The following PKD1L1 variants were observed in gnomAD, a reference collection of about 807,000 sequenced individuals.
PKD1L1 encodes the protein polycystin-1-like protein 1.
PKD1L1 carries 236 observed loss-of-function variants against 323.4 expected under a neutral mutation model. That is an observed-to-expected ratio of 0.73 (90% confidence interval 0.66 to 0.81). The LOEUF (loss-of-function observed/expected upper bound fraction) is 0.81. PKD1L1 is among the 40% of genes least tolerant of loss of function. PKD1L1 has a pLI of 0.00. For missense variants in PKD1L1, 3,320 were observed against 3,508.0 expected (o/e 0.95, Z 1.35); for synonymous variants, 1,344 against 1,335.0 (o/e 1.01, Z -0.15).
intron 54 of PKD1L1, among the ~76,000 whole-genome samples, chr7:47,797,278 A>G (rs1784564523): frequency 6.6e-6 from 1 of 152,138 alleles, no homozygotes; most frequent in Admixed American, 6.5e-5. Flanking sequence ...TACGCTGTAA[A>G]CCTGTGGACA....
At chr7:47,857,202 T>A (rs1409575184) in intron 28 of PKD1L1, among the ~76,000 whole-genome samples, 1 of 152,202 alleles carries the variant, frequency 6.6e-6, no homozygotes, top group Non-Finnish European at 1.5e-5. Context: ...TTAAGCGTCA[T>A]TCAGGTATAC....
rs372667662 is a variant in PKD1L1, at chr7:47,930,531, C to T, written c.737+573G>A. On this transcript the variant is annotated intron_variant, in intron 6 of 56. Transcript: ENST00000289672. Reference sequence around the variant, plus strand: ...AAAAAAAAATAAAATAAAATACACACAGTCGGCCGGGTGCAGTGGCTCATG... The same window carrying T: ...AAAAAAAAATAAAATAAAATACACATAGTCGGCCGGGTGCAGTGGCTCATG... Among the ~76,000 whole-genome samples, 205 of 125,214 alleles carry T rather than the reference C, an allele frequency of 1.6e-3. 1 individual carries two copies. Among genetic ancestry groups the T allele is most frequent in the African/African-American group, 6.2e-3 (186 of 30,016 alleles). 82.1% of individuals were successfully genotyped at this position (125,214 alleles called of 152,430 possible).
intron 7 of PKD1L1, among the ~76,000 whole-genome samples, chr7:47,922,969 C>T (rs189405473): frequency 1.2e-3 from 184 of 152,302 alleles, no homozygotes; most frequent in African/African-American, 4.4e-3. Flanking sequence ...ATAGGAGACT[C>T]CATTTTGTTC....
At chr7:47,951,611 G>A (rs930172457), upstream of PKD1L1, among the ~76,000 whole-genome samples, 1 of 152,176 alleles carries the variant, frequency 6.6e-6, no homozygotes, top group African/African-American at 2.4e-5. Flanking sequence ...AAAAGGCACA[G>A]AGCTGCAGTT....
At chr7:47,941,072 T>C (rs937257181) in intron 2 of PKD1L1, among the ~76,000 whole-genome samples, 1 of 152,236 alleles carries the variant, frequency 6.6e-6, no homozygotes, top group Non-Finnish European at 1.5e-5. Context: ...AGAGCCACTC[T>C]CAGCAAGAAG....
rs138779226 is a variant in PKD1L1, at chr7:47,872,147, T to C, written c.3896+1752A>G. On this transcript the variant is annotated intron_variant, in intron 24 of 56. Coordinates refer to ENST00000289672, the MANE Select transcript of PKD1L1 (RefSeq NM_138295.5). ...AATCCCTATGAAAATCCCAGTTAGC[T>C]TTTGTTTTGTTTTGTTTTTCTACCC... is the stretch of plus-strand genomic sequence containing the variant. Among the ~76,000 whole-genome samples, 48 of 152,206 alleles carry C rather than the reference T, an allele frequency of 3.2e-4. No individual in the cohort carries two copies. In the East Asian group the frequency reaches 9.3e-3, roughly 29 times the overall value.
At position 47,840,808 on chromosome 7, in the gene PKD1L1, T is replaced by C. The variant is rs1785550293; in HGVS notation, c.5446-241A>G. On this transcript the variant is annotated intron_variant, in intron 34 of 56. Transcript: ENST00000289672. This position sits in a 1 kb window ranked among gnomAD's most constrained non-coding sequence, Gnocchi z 4.1. ...GTAGAATTGGCCATTTCCTCACCTATTTGATCTAGAAAAGCCAGATCCCAA... is the reference window on the plus strand; with the variant it reads ...GTAGAATTGGCCATTTCCTCACCTACTTGATCTAGAAAAGCCAGATCCCAA... Among the ~76,000 whole-genome samples the C allele has an allele frequency of 6.6e-6, 1 of 152,218 alleles. No individual in the cohort carries two copies. Among genetic ancestry groups the C allele is most frequent in the Admixed American group, 6.5e-5 (1 of 15,280 alleles).
intron 49 of PKD1L1, among the ~76,000 whole-genome samples, chr7:47,812,475 G>A (rs1484303815): frequency 1.3e-5 from 2 of 152,152 alleles, no homozygotes; most frequent in Non-Finnish European, 2.9e-5. Flanking sequence ...CTCGTATTTA[G>A]TAACAATTAA....
Position 47,946,252 on chromosome 7 carries a change from C to T in PKD1L1, c.44+2145G>A, listed in dbSNP as rs1050731381. ...CTAGTCGAGCCATTTGTTTGAATTA[C>T]ATGACAGATCTCTTAGAATCCCTTA... On this transcript the variant is annotated intron_variant, in intron 1 of 56. Coordinates refer to ENST00000289672, the MANE Select transcript of PKD1L1 (RefSeq NM_138295.5). The surrounding 1 kb of genome is among the most constrained non-coding windows in gnomAD (Gnocchi z 4.1). Among the ~76,000 whole-genome samples the T allele has an allele frequency of 1.3e-5, 2 of 152,092 alleles. No homozygotes were observed. Among genetic ancestry groups the T allele is most frequent in the African/African-American group, 2.4e-5 (1 of 41,370 alleles).
At chr7:47,790,291 G>GT (rs1231347724) in intron 56 of PKD1L1, among the ~76,000 whole-genome samples, 1 of 151,586 alleles carries the variant, frequency 6.6e-6, no homozygotes, top group Non-Finnish European at 1.5e-5. Flanking sequence ...CATTTAAACA[G>GT]TTTTTTATGA....
chr7:47,866,478 A>G lies in PKD1L1; in HGVS notation c.4033T>C (p.Trp1345Arg), dbSNP rs976271626. 6.2e-7 allele frequency: 1 copy of G among 1,601,974 alleles called. No individual in the cohort carries two copies. Among genetic ancestry groups the G allele is most frequent in the Non-Finnish European group, 8.5e-7 (1 of 1,173,192 alleles). The change falls in exon 25 of 57, where the codon TGG becomes CGG. Residue 1345 changes from tryptophan (W) to arginine (R), a missense_variant. By Grantham distance (101) the Trp-to-Arg change is moderately radical. Transcript: ENST00000289672. The stretch of plus-strand genomic sequence containing the variant: ...ATTAATGCATCCTGTATTCGTGACC[A>G]TTGGTTGCAGGAGGCAGTTTTGTCC... ...KEDKTASCNQ[W>R]SRIQDALISS...
At chr7:47,957,235 G>A in the PKD1L1 span, 397 of 161,540 alleles carry the variant, frequency 2.5e-3, no homozygotes, top group Middle Eastern at 0.015. Context: ...TGCTTTCAGC[G>A]AAGGAAAAGA....
chr7:47,893,911 G>A lies in PKD1L1; in HGVS notation c.2420C>T (p.Ser807Phe). The A allele has an allele frequency of 6.2e-7, 1 of 1,614,016 alleles. No homozygotes were observed. Among genetic ancestry groups the A allele is most frequent in the East Asian group, 2.2e-5 (1 of 44,882 alleles). ...SSPIVLRGTQSFDPDDPGATL... is the reference protein window; with the variant it reads ...SSPIVLRGTQFFDPDDPGATL... The stretch of plus-strand genomic sequence containing the variant: ...CGCCCCAGGGTCGTCAGGGTCGAAG[G>A]ACTGGGTCCCTCTGAGGACAATGGG... Residue 807 changes from serine (S) to phenylalanine (F), a missense_variant, in exon 15 of 57, where the codon TCC becomes TTC. Coordinates refer to ENST00000289672, the MANE Select transcript of PKD1L1 (RefSeq NM_138295.5).
intron 18 of PKD1L1, among the ~76,000 whole-genome samples, 192 bp from the exon 19 acceptor site, chr7:47,884,849 T>C (rs899426713): frequency 1.3e-5 from 2 of 152,082 alleles, no homozygotes; most frequent in African/African-American, 4.8e-5. Context: ...GCAGGTTTCA[T>C]TGCCCCGGGG....
chr7:47,851,760 G>A (rs1785787033), intron 31 of PKD1L1, among the ~76,000 whole-genome samples: 2 of 151,918 alleles, frequency 1.3e-5, no homozygotes, highest in South Asian at 4.1e-4. Flanking sequence ...TTAATCATGA[G>A]GAAACAGTCA....
In PKD1L1 at chr7:47,782,494, T is replaced by C. The variant is rs1278882374; in HGVS notation, c.8527-7328A>G. 2.6e-5 allele frequency among the ~76,000 whole-genome samples: 4 copies of C among 152,190 alleles called. No individual in the cohort carries two copies. In the East Asian group the frequency reaches 7.7e-4, roughly 29 times the overall value. On this transcript the variant is annotated intron_variant, in intron 56 of 56. Coordinates refer to ENST00000289672, the MANE Select transcript of PKD1L1 (RefSeq NM_138295.5). ...AGTATTTCAGTAATACTTAAATTGA[T>C]TATAAACTAGCAAGAGAAGCCAGGA...
upstream of PKD1L1, among the ~76,000 whole-genome samples, chr7:47,952,095 TA>T (rs1788213041): frequency 6.6e-6 from 1 of 152,210 alleles, no homozygotes; most frequent in Non-Finnish European, 1.5e-5. Flanking sequence ...CATCTTTTTT[TA>T]ATTAACACCC....
At chr7:47,936,432 T>C (rs1787868587) in intron 4 of PKD1L1, among the ~76,000 whole-genome samples, 2 of 152,218 alleles carry the variant, frequency 1.3e-5, no homozygotes, top group Non-Finnish European at 2.9e-5. Context: ...TGTGTCTTTT[T>C]GTGACTGGCT....
intron 6 of PKD1L1, among the ~76,000 whole-genome samples, chr7:47,930,532 AG>A: frequency 8.2e-6 from 1 of 122,152 alleles, no homozygotes; most frequent in South Asian, 2.8e-4. Flanking sequence ...AAATACACAC[AG>A]TCGGCCGGGT....
Sources: gnomAD v4.1 joint callset for allele counts (sites outside exome capture counted in the v4.1 genomes callset) on GRCh38, gnomAD v4.1.1 for gene constraint, Gnocchi (gnomAD v3.1) non-coding constraint, MANE v1.5 for transcripts, NCBI Gene and HGNC (gene_info 2026-07-23, HGNC 2026-07-21) for gene names.